ADGRV1: variants seen among roughly 807,000 people sequenced by gnomAD.
ADGRV1 encodes the protein adhesion G protein-coupled receptor V1.
Under a neutral mutation model 596.2 loss-of-function variants are expected in ADGRV1, and 359 were observed. The ratio of observed to expected loss-of-function variants is 0.60; its 90% CI spans 0.55 to 0.66. The LOEUF (loss-of-function observed/expected upper bound fraction) is 0.66. Among genes scored for constraint, ADGRV1 ranks in the 30% least tolerant of loss-of-function variants. The pLI is 0.00. For missense variants in ADGRV1, 7,274 were observed against 7,575.6 expected (o/e 0.96, Z 1.48); for synonymous variants, 2,681 against 2,679.2 (o/e 1.00, Z -0.02).
chr5:90,913,699 A>G (rs879400501), intron 83 of ADGRV1, among the ~76,000 whole-genome samples: 12 of 152,188 alleles, frequency 7.9e-5, no homozygotes, highest in Non-Finnish European at 1.6e-4. Context: ...CCCATTTTAG[A>G]GTGGTTTTCT....
Position 90,703,681 on chromosome 5 carries a change from C to T in ADGRV1, c.8172C>T (p.Phe2724=), listed in dbSNP as rs371019516. The change falls in exon 35 of 90, where the codon TTC becomes TTT. Residue 2724 remains phenylalanine (F), a synonymous_variant. Coordinates refer to ENST00000405460, the MANE Select transcript of ADGRV1 (RefSeq NM_032119.4). Reference sequence around the variant, plus strand: ...TACTTGCAGGAGAAATTTTACAATTCCATGTGATAAGAACTTTCCCTGGTC... The same window carrying T: ...TACTTGCAGGAGAAATTTTACAATTTCATGTGATAAGAACTTTCCCTGGTC... The part of the protein sequence containing the change: ...VIGHEGEILQ[F]HVIRTFPGRG... 224 of 1,599,644 alleles carry T rather than the reference C, an allele frequency of 1.4e-4. No individual in the cohort carries two copies. The African/African-American group carries it at 2.9e-3, about 20-fold the overall frequency.
intron 72 of ADGRV1, among the ~76,000 whole-genome samples, chr5:90,806,182 G>A (rs992309861): frequency 2.0e-5 from 3 of 152,138 alleles, no homozygotes; most frequent in Non-Finnish European, 2.9e-5. Flanking sequence ...GAAAGCTAAG[G>A]TCCTATAGAA....
chr5:90,759,066 A>T (rs7706731), intron 57 of ADGRV1, among the ~76,000 whole-genome samples: 3,512 of 152,188 alleles, frequency 0.023, 133 homozygotes, highest in African/African-American at 0.082. Context: ...AAGAATAAGG[A>T]TTTATTGTTT....
At chr5:90,736,907 AAAC>A (rs1216032229) in intron 50 of ADGRV1, among the ~76,000 whole-genome samples, 1 of 151,498 alleles carries the variant, frequency 6.6e-6, no homozygotes, top group African/African-American at 2.4e-5. Context: ...TTTTAAAAAA[AAAC>A]AATTCTTAGT....
intron 75 of ADGRV1, among the ~76,000 whole-genome samples, chr5:90,818,934 T>C (rs964592209): frequency 6.6e-6 from 1 of 151,446 alleles, no homozygotes; most frequent in Admixed American, 6.6e-5. Flanking sequence ...CCTCATAAAA[T>C]GAGTTAGGGA....
intron 1 of ADGRV1, 154 bp from the exon 2 acceptor site, chr5:90,614,681 A>G: frequency 1.4e-6 from 1 of 699,280 alleles, no homozygotes; most frequent in Non-Finnish European, 2.6e-6. Context: ...CTGTCGTCAC[A>G]TATTTGAGTT....
In ADGRV1 at chr5:90,627,251, G is replaced by T; in HGVS notation, c.713G>T (p.Ser238Ile). The T allele has an allele frequency of 6.3e-7, 1 of 1,581,642 alleles. No homozygotes were observed. Among genetic ancestry groups the T allele is most frequent in the Non-Finnish European group, 8.6e-7 (1 of 1,163,284 alleles). Residue 238 changes from serine (S) to isoleucine (I), a missense_variant, in exon 7 of 90, where the codon AGT (serine) becomes ATT (isoleucine). Around this residue, in one of 5 missense-constraint regions of ADGRV1, gnomAD observed 1,715 missense variants for 1,708.8 expected, o/e 1.00. Coordinates refer to ENST00000405460, the MANE Select transcript of ADGRV1 (RefSeq NM_032119.4). Reference protein sequence around the residue: ...NDEIFLIQLKSVEGGAEINTS... With the variant: ...NDEIFLIQLKIVEGGAEINTS... ...GAAATATTTTTAATTCAACTGAAAA[G>T]TGTAGAAGGAGGAGCTGAGATTAAC...
rs138029547 is a variant in ADGRV1, at chr5:90,750,691, A to G, written c.11115A>G (p.Ser3705=). 6.3e-5 allele frequency: 102 copies of G among 1,611,200 alleles called. No individual in the cohort carries two copies. In the African/African-American group the frequency reaches 1.1e-3, roughly 18 times the overall value. ...DGSISDIFPT[S]GVILFTEGQV... is the part of the protein sequence containing the mutation. Reference sequence around the variant, plus strand: ...GTATTAGTGATATATTTCCTACCTCAGGAGTGGTATGTAATTTACAAAGTT... The same window carrying G: ...GTATTAGTGATATATTTCCTACCTCGGGAGTGGTATGTAATTTACAAAGTT... Residue 3705 remains serine, a synonymous_variant, in exon 53 of 90, where the codon TCA becomes TCG. Coordinates refer to ENST00000405460, the MANE Select transcript of ADGRV1 (RefSeq NM_032119.4).
intron 87 of ADGRV1, among the ~76,000 whole-genome samples, chr5:91,147,733 AC>A (rs1795674469): frequency 6.6e-6 from 1 of 152,172 alleles, no homozygotes; most frequent in African/African-American, 2.4e-5. Context: ...GTAAATGGGT[AC>A]CTCAGAGAGT....
At chr5:90,883,358 T>TA (rs1379048838) in intron 83 of ADGRV1, among the ~76,000 whole-genome samples, 1 of 152,194 alleles carries the variant, frequency 6.6e-6, no homozygotes, top group African/African-American at 2.4e-5. Flanking sequence ...TATTGATCCT[T>TA]AAATAACAAT....
intron 50 of ADGRV1, among the ~76,000 whole-genome samples, chr5:90,735,556 C>T (rs1753114203): frequency 6.6e-6 from 1 of 151,962 alleles, no homozygotes; most frequent in Admixed American, 6.6e-5. Context: ...AAAAATGATA[C>T]CAGAATTTTG....
intron 59 of ADGRV1, 78 bp downstream of exon 59, chr5:90,763,547 A>C: frequency 7.0e-7 from 1 of 1,433,184 alleles, no homozygotes; most frequent in Non-Finnish European, 9.7e-7. Flanking sequence ...TTGTAAATTC[A>C]GGGAGCACAT....
rs367826825 is a variant in ADGRV1 at position 90,628,828 on chromosome 5, C to T, written c.1505C>T (p.Ala502Val). The stretch of plus-strand genomic sequence containing the variant: ...GGAGGTGCAGAAGTGAGCGAGCCAG[C>T]GGAGGTATAACCCTTGTTATGCTTT... Reference protein sequence around the residue: ...IRGGAEVSEPAELLFYIQDSD... With the variant: ...IRGGAEVSEPVELLFYIQDSD... The change falls in exon 8 of 90, where the codon GCG becomes GTG. Residue 502 changes from alanine to valine, a missense_variant. By Grantham distance (64) the Ala-to-Val change is moderately conservative. Coordinates refer to ENST00000405460, the MANE Select transcript of ADGRV1 (RefSeq NM_032119.4). The T allele has an allele frequency of 4.5e-5, 72 of 1,613,434 alleles. No individual in the cohort carries two copies. Among genetic ancestry groups the T allele is most frequent in the South Asian group, 5.5e-5 (5 of 91,036 alleles).
intron 84 of ADGRV1, among the ~76,000 whole-genome samples, chr5:90,978,864 A>G (rs1340192172): frequency 4.6e-5 from 7 of 152,206 alleles, no homozygotes; most frequent in African/African-American, 7.2e-5. Context: ...CTCAAAACAA[A>G]TTGTGTACAT....
intron 73 of ADGRV1, among the ~76,000 whole-genome samples, chr5:90,808,126 C>T (rs180885670): frequency 9.6e-4 from 146 of 152,314 alleles, no homozygotes; most frequent in Non-Finnish European, 5.9e-4. Flanking sequence ...GATAATATTA[C>T]TTATTTGGAC....
intron 83 of ADGRV1, among the ~76,000 whole-genome samples, chr5:90,886,949 A>G (rs915035923): frequency 6.6e-6 from 1 of 152,112 alleles, no homozygotes; most frequent in African/African-American, 2.4e-5. Flanking sequence ...ACCACGTCTT[A>G]TGTGACAACT....
chr5:90,692,501 G>T, intron 31 of ADGRV1, 104 bp from the exon 32 acceptor site: 2 of 809,516 alleles, frequency 2.5e-6, no homozygotes, highest in Admixed American at 3.2e-5. Flanking sequence ...ATTCCATTTT[G>T]TTCTTGTACT....
At chr5:90,561,045 T>G (rs1754758973) in intron 1 of ADGRV1, among the ~76,000 whole-genome samples, 1 of 152,192 alleles carries the variant, frequency 6.6e-6, no homozygotes, top group African/African-American at 2.4e-5. Context: ...GTATGTCACA[T>G]TTATTGAATA....
At chr5:90,627,858 ATG>A in intron 7 of ADGRV1, 82 bp downstream of exon 7, 1 of 824,800 alleles carries the variant, frequency 1.2e-6, no homozygotes, top group Non-Finnish European at 1.8e-6. Flanking sequence ...GGACACAACA[ATG>A]AACTGTTAGA....
Sources: allele counts gnomAD v4.1 joint callset (sites outside exome capture counted in the v4.1 genomes callset), GRCh38; gene constraint gnomAD v4.1.1; regional missense constraint gnomAD v4.1.1; transcripts MANE v1.5; gene names NCBI Gene and HGNC (gene_info 2026-07-23, HGNC 2026-07-21).